The following SORCS3 variants were observed in gnomAD, a reference collection of about 807,000 sequenced individuals.
SORCS3 encodes sortilin related VPS10 domain containing receptor 3, also known as VPS10 domain-containing receptor SorCS3.
Under a neutral mutation model 146.3 loss-of-function variants are expected in SORCS3, and 57 were observed. The ratio of observed to expected loss-of-function variants is 0.39; its 90% CI spans 0.31 to 0.49. The LOEUF (loss-of-function observed/expected upper bound fraction) is 0.49. Among genes scored for constraint, SORCS3 ranks in the 20% least tolerant of loss-of-function variants. The pLI, the probability that SORCS3 is intolerant of heterozygous loss-of-function variation, is 0.92. For missense variants in SORCS3, 1,341 were observed against 1,575.5 expected (o/e 0.85, Z 2.52); for synonymous variants, 653 against 618.5 (o/e 1.06, Z -0.83).
At chr10:104,647,314 G>A (rs1023928724) in intron 1 of SORCS3, among the ~76,000 whole-genome samples, 2 of 152,132 alleles carry the variant, frequency 1.3e-5, no homozygotes, top group Non-Finnish European at 2.9e-5. Flanking sequence ...TCCACTTGGG[G>A]TACCCTTCTT....
chr10:105,176,810 G>A (rs1165674200), intron 13 of SORCS3, among the ~76,000 whole-genome samples: 6 of 151,714 alleles, frequency 4.0e-5, no homozygotes, highest in South Asian at 2.1e-4. Context: ...AGCCGAGATC[G>A]TGTCACTGCA....
chr10:104,690,841 A>C (rs1352346514), intron 1 of SORCS3, among the ~76,000 whole-genome samples: 1 of 152,026 alleles, frequency 6.6e-6, no homozygotes, highest in Non-Finnish European at 1.5e-5. Context: ...CAATAACTCA[A>C]TGCTTCCTTT....
intron 1 of SORCS3, among the ~76,000 whole-genome samples, chr10:104,806,148 A>G (rs1421630602): frequency 1.3e-5 from 2 of 152,216 alleles, no homozygotes; most frequent in African/African-American, 2.4e-5. Flanking sequence ...TGTCCTTCCT[A>G]AGACCACATG....
At chr10:104,925,826 C>T (rs1034940159) in intron 3 of SORCS3, among the ~76,000 whole-genome samples, 2 of 152,182 alleles carry the variant, frequency 1.3e-5, no homozygotes, top group Non-Finnish European at 2.9e-5. Context: ...AGCCTTAAAA[C>T]AAAGTTGGTG....
intron 3 of SORCS3, among the ~76,000 whole-genome samples, chr10:104,945,746 T>C (rs1324602291): frequency 1.3e-5 from 2 of 151,644 alleles, no homozygotes; most frequent in Non-Finnish European, 2.9e-5. Context: ...CGGGATACAC[T>C]TTTTCACAAA....
chr10:104,832,457 C>A lies in SORCS3; in HGVS notation c.628-10335C>A, dbSNP rs11817924. ...GTGTGACCGGGCACAGTGGCACACA[C>A]CTGTAATCCCAGCACTTTGGGAGGC... On this transcript the variant is annotated intron_variant, in intron 1 of 26. Coordinates refer to ENST00000369701, the MANE Select transcript of SORCS3 (RefSeq NM_014978.3). Among the ~76,000 whole-genome samples the A allele has an allele frequency of 3.4e-3, 514 of 152,288 alleles. 3 individuals carry two copies. The highest frequency in any genetic ancestry group is 0.011 in the African/African-American group (474 of 41,558).
intron 5 of SORCS3, among the ~76,000 whole-genome samples, chr10:105,078,957 TG>T (rs10717921): frequency 0.25 from 37,759 of 152,058 alleles, 4,855 homozygotes; most frequent in Admixed American, 0.34. Context: ...GATTGTATCT[TG>T]GGCTCTAATA....
intron 3 of SORCS3, among the ~76,000 whole-genome samples, chr10:104,938,790 C>T (rs147638990): frequency 5.3e-5 from 8 of 152,160 alleles, no homozygotes; most frequent in Admixed American, 1.3e-4. Flanking sequence ...TAATGTCTTG[C>T]AGGCTGTCAC....
chr10:105,247,897 T>C (rs1260446998), intron 22 of SORCS3, among the ~76,000 whole-genome samples: 1 of 152,206 alleles, frequency 6.6e-6, no homozygotes, highest in African/African-American at 2.4e-5. Flanking sequence ...GCTTGATCCC[T>C]TTAATGCACT....
chr10:104,703,061 T>C (rs976554148), intron 1 of SORCS3, among the ~76,000 whole-genome samples: 12 of 152,204 alleles, frequency 7.9e-5, no homozygotes, highest in Non-Finnish European at 1.8e-4. Context: ...ATCGATTGAT[T>C]ATACAAGAAG....
chr10:105,140,816 A>T (rs1999491), intron 8 of SORCS3, among the ~76,000 whole-genome samples: 1 of 151,888 alleles, frequency 6.6e-6, no homozygotes, highest in Non-Finnish European at 1.5e-5. Context: ...TTCTCATTTT[A>T]TCTACCCTCT....
intron 1 of SORCS3, among the ~76,000 whole-genome samples, chr10:104,655,314 G>A (rs1251166502): frequency 6.6e-6 from 1 of 151,328 alleles, no homozygotes; most frequent in African/African-American, 2.4e-5. Context: ...GTGAAGGTTT[G>A]TTATGTAGGT....
chr10:104,700,768 A>G (rs2016271282), intron 1 of SORCS3, among the ~76,000 whole-genome samples: 1 of 152,190 alleles, frequency 6.6e-6, no homozygotes, highest in Non-Finnish European at 1.5e-5. Flanking sequence ...CCACACAGCC[A>G]GCCTCATGCC....
At chr10:104,963,762 A>G (rs971237356) in intron 3 of SORCS3, among the ~76,000 whole-genome samples, 1 of 152,124 alleles carries the variant, frequency 6.6e-6, no homozygotes, top group Non-Finnish European at 1.5e-5. Context: ...TAAAGCCCTG[A>G]ACCTGTTTTT....
chr10:104,885,438 G>T (rs190584488), intron 2 of SORCS3, among the ~76,000 whole-genome samples: 1 of 152,086 alleles, frequency 6.6e-6, no homozygotes, highest in South Asian at 2.1e-4. Flanking sequence ...GAGATCCTTT[G>T]TGTAGGTGGC....
intron 1 of SORCS3, among the ~76,000 whole-genome samples, chr10:104,780,481 C>A (rs989383790): frequency 6.6e-6 from 1 of 152,196 alleles, no homozygotes; most frequent in African/African-American, 2.4e-5. Context: ...TATGAGCCCA[C>A]CTGGTCTGGC....
intron 3 of SORCS3, among the ~76,000 whole-genome samples, chr10:104,926,920 C>A (rs1191677480): frequency 6.6e-6 from 1 of 152,014 alleles, no homozygotes; most frequent in African/African-American, 2.4e-5. Context: ...CTCCAAAGTG[C>A]CCTTTAGGGT....
chr10:104,924,573 G>T (rs537578869), intron 3 of SORCS3, among the ~76,000 whole-genome samples: 2 of 152,316 alleles, frequency 1.3e-5, no homozygotes, highest in East Asian at 3.9e-4. Flanking sequence ...GCCCAGAATG[G>T]TTGAGCAGCA....
At chr10:105,253,240 A>AG (rs1459396316) in intron 23 of SORCS3, among the ~76,000 whole-genome samples, 1 of 152,076 alleles carries the variant, frequency 6.6e-6, no homozygotes, top group African/African-American at 2.4e-5. Context: ...GAGAGAAAGA[A>AG]GGGGGGAATT....
Sources: allele counts gnomAD v4.1 joint callset (sites outside exome capture counted in the v4.1 genomes callset), GRCh38; gene constraint gnomAD v4.1.1; transcripts MANE v1.5; gene names NCBI Gene and HGNC (gene_info 2026-07-23, HGNC 2026-07-21).